IQCM: variants seen among roughly 807,000 people sequenced by gnomAD.
The protein encoded by IQCM is IQ motif containing M, also known as IQ domain-containing protein M.
In IQCM, 45 loss-of-function variants were observed where a neutral mutation model predicts 57.6. The observed-to-expected ratio is 0.78, with a 90% CI of 0.62 to 1.00. The LOEUF is 1.00. Ranked by LOEUF, IQCM falls within the 50% of genes least tolerant of loss-of-function variation. The probability of loss-of-function intolerance (pLI) is 0.00; values close to 1 mark genes in which losing one functional copy is unlikely to be tolerated. For missense variants in IQCM, 468 were observed against 511.6 expected, an observed-to-expected ratio of 0.91 and a Z score of 0.82; for synonymous variants, 148 against 158.9, an observed-to-expected ratio of 0.93 and a Z score of 0.51.
At chr4:149,507,993 G>A (rs1387467382) in intron 12 of IQCM, among the ~76,000 whole-genome samples, 2 of 151,902 alleles carry the variant, frequency 1.3e-5, no homozygotes, top group South Asian at 4.2e-4. Context: ...GGCACAGCTT[G>A]AGCTGCTGCT....
chr4:149,698,889 T>C (rs1055423995), intron 5 of IQCM, among the ~76,000 whole-genome samples: 14 of 152,102 alleles, frequency 9.2e-5, no homozygotes, highest in Non-Finnish European at 1.8e-4. Flanking sequence ...TCGTCTTTTG[T>C]AAAAAAGTAT....
intron 12 of IQCM, among the ~76,000 whole-genome samples, chr4:149,547,107 G>T (rs1361243074): frequency 2.0e-5 from 3 of 152,010 alleles, no homozygotes; most frequent in Non-Finnish European, 4.4e-5. Context: ...TTTTTGTCAG[G>T]TTTGTCAAAG....
At chr4:149,561,212 T>C (rs897701550) in intron 10 of IQCM, among the ~76,000 whole-genome samples, 3 of 152,212 alleles carry the variant, frequency 2.0e-5, no homozygotes, top group African/African-American at 7.2e-5. Context: ...TCTATCTCCG[T>C]ATAGAAATTC....
intron 2 of IQCM, among the ~76,000 whole-genome samples, chr4:149,775,533 A>G (rs752040490): frequency 3.3e-5 from 5 of 152,204 alleles, no homozygotes; most frequent in Non-Finnish European, 7.3e-5. Context: ...TCTTTTCTAT[A>G]GTTCTATTTG....
intron 12 of IQCM, among the ~76,000 whole-genome samples, chr4:149,471,007 G>A (rs2149728449): frequency 6.6e-6 from 1 of 152,288 alleles, no homozygotes; most frequent in Middle Eastern, 3.4e-3. Flanking sequence ...ATGCCCACAA[G>A]AGAAAGCAGG....
rs189663854 is a variant in IQCM at position 149,532,318 on chromosome 4, T to A, written c.1228+16137A>T. On this transcript the variant is annotated intron_variant, in intron 12 of 13. Transcript: ENST00000636793. ...GGGTCCATTAGGGATTCTCAGTGCC[T>A]ACCAGGAGACACATTGGCAAGAGAC... is the stretch of plus-strand genomic sequence containing the variant. 3.9e-5 allele frequency among the ~76,000 whole-genome samples: 6 copies of A among 152,254 alleles called. No homozygotes were observed. The East Asian group carries it at 1.2e-3, about 29-fold the overall frequency.
chr4:149,578,218 T>A (rs1373007544), intron 9 of IQCM, among the ~76,000 whole-genome samples: 1 of 151,828 alleles, frequency 6.6e-6, no homozygotes, highest in Non-Finnish European at 1.5e-5. Context: ...CTTTATATTC[T>A]CTTGCCTGAT....
chr4:149,438,103 A>T (rs142589500), intron 12 of IQCM, among the ~76,000 whole-genome samples: 152 of 152,240 alleles, frequency 1.0e-3, no homozygotes, highest in Non-Finnish European at 1.9e-3. Context: ...TGGTAGGGCT[A>T]GTTACTGAAG....
At position 149,548,555 on chromosome 4, in the gene IQCM, C is replaced by T; in HGVS notation, c.1128G>A (p.Trp376Ter). ...YEIMFAKRED[W>*]PKIERNELPN... ...GGAGCTCATTTCTTTCAATTTTTGGCCAATCTTCCCTCTTAGCAAACATTA... is the reference window on the plus strand; with the variant it reads ...GGAGCTCATTTCTTTCAATTTTTGGTCAATCTTCCCTCTTAGCAAACATTA... Residue 376 changes from tryptophan to a stop codon, truncating the protein, a stop_gained, in exon 12 of 14, where the codon TGG (tryptophan) becomes TGA (stop). Coordinates refer to ENST00000636793, the MANE Select transcript of IQCM (RefSeq NM_001363507.2). LOFTEE classifies it high-confidence loss of function. The T allele has an allele frequency of 8.1e-7, 1 of 1,229,044 alleles. No homozygotes were observed. The highest frequency in any genetic ancestry group is 1.0e-6 in the Non-Finnish European group (1 of 985,276). 76.1% of individuals were successfully genotyped at this position (1,229,044 alleles called of 1,614,324 possible).
chr4:149,669,793 G>A (rs1399221990), intron 7 of IQCM, among the ~76,000 whole-genome samples: 1 of 152,108 alleles, frequency 6.6e-6, no homozygotes, highest in Non-Finnish European at 1.5e-5. Context: ...TTGTAGGTGT[G>A]TGGTATTATT....
intron 13 of IQCM, among the ~76,000 whole-genome samples, chr4:149,385,377 CA>C (rs1445837678): frequency 2.0e-5 from 3 of 152,006 alleles, no homozygotes; most frequent in East Asian, 3.9e-4. Flanking sequence ...TAACAGGGGA[CA>C]AAGGCAGGAG....
At chr4:149,533,870 T>C (rs772004246) in intron 12 of IQCM, among the ~76,000 whole-genome samples, 2 of 152,100 alleles carry the variant, frequency 1.3e-5, no homozygotes, top group Admixed American at 6.6e-5. Flanking sequence ...TATTGTTAAA[T>C]AGCAAGATTT....
intron 12 of IQCM, among the ~76,000 whole-genome samples, chr4:149,442,963 G>C (rs1340888002): frequency 0.012 from 1,443 of 115,998 alleles, 9 homozygotes; most frequent in African/African-American, 0.026. Context: ...CAGAGAGAGA[G>C]AGAGAGAGAG....
At position 149,634,521 on chromosome 4, in the gene IQCM, C is replaced by T. The variant is rs550308599; in HGVS notation, c.566-13277G>A. ...TAAAATTAATTTGTATTCCTATATA[C>T]ATAGCACAGCATTTCGTATGGTCAT... is the stretch of plus-strand genomic sequence containing the variant. On this transcript the variant is annotated intron_variant, in intron 7 of 13. Coordinates refer to ENST00000636793, the MANE Select transcript of IQCM (RefSeq NM_001363507.2). 5.4e-4 allele frequency among the ~76,000 whole-genome samples: 82 copies of T among 152,274 alleles called. 1 individual carries two copies. In the South Asian group the frequency reaches 0.015, roughly 28 times the overall value.
At chr4:149,701,740 A>C (rs980780512) in intron 5 of IQCM, among the ~76,000 whole-genome samples, 2 of 151,962 alleles carry the variant, frequency 1.3e-5, no homozygotes, top group Non-Finnish European at 2.9e-5. Flanking sequence ...AAGAATAGAA[A>C]ATGGTTAGAG....
intron 8 of IQCM, among the ~76,000 whole-genome samples, chr4:149,590,791 T>C (rs1464758461): frequency 1.3e-5 from 2 of 152,122 alleles, no homozygotes; most frequent in Non-Finnish European, 2.9e-5. Flanking sequence ...TCATCCTTTT[T>C]TATAGCTGCA....
At chr4:149,674,895 G>T (rs1761617690) in intron 7 of IQCM, among the ~76,000 whole-genome samples, 1 of 151,902 alleles carries the variant, frequency 6.6e-6, no homozygotes, top group African/African-American at 2.4e-5. Flanking sequence ...TGATATCTGG[G>T]CCTACTGTAA....
At chr4:149,355,731 T>G (rs1728925370) in intron 13 of IQCM, among the ~76,000 whole-genome samples, 2 of 152,180 alleles carry the variant, frequency 1.3e-5, no homozygotes, top group African/African-American at 2.4e-5. Context: ...TATAGCAGCA[T>G]GATTTATAAT....
At chr4:149,441,276 G>A (rs569214414) in intron 12 of IQCM, among the ~76,000 whole-genome samples, 1 of 152,248 alleles carries the variant, frequency 6.6e-6, no homozygotes, top group South Asian at 2.1e-4. Flanking sequence ...GTGAAGCCCT[G>A]GGTATAATCC....
Sources: allele counts gnomAD v4.1 joint callset (sites outside exome capture counted in the v4.1 genomes callset), GRCh38; gene constraint gnomAD v4.1.1; transcripts MANE v1.5; gene names NCBI Gene and HGNC (gene_info 2026-07-23, HGNC 2026-07-21).